The following PLAC1 variants were observed in gnomAD, a reference collection of about 807,000 sequenced individuals.
PLAC1 encodes the protein placenta-specific protein 1.
For synonymous variants in PLAC1, 68 were observed against 62.1 expected (o/e 1.09, Z -0.44); for missense variants, 136 against 163.2 (o/e 0.83, Z 0.91).
upstream of PLAC1, among the ~76,000 whole-genome samples, chrX:134,662,147 C>T (rs1329823810): frequency 1.8e-5 from 2 of 110,780 alleles, no homozygotes; most frequent in South Asian, 7.8e-4. Context: ...GCAGGAGGAT[C>T]GTTTGAGCCC....
At chrX:134,694,776 G>C (rs2078556779) in intron 2 of PLAC1, among the ~76,000 whole-genome samples, 1 of 111,802 alleles carries the variant, frequency 8.9e-6, no homozygotes, top group Admixed American at 9.5e-5. Context: ...GTACCACAGG[G>C]TGAGTTACCA....
intron 1 of PLAC1, among the ~76,000 whole-genome samples, chrX:134,656,598 T>G (rs1031274235): frequency 9.0e-6 from 1 of 111,561 alleles, no homozygotes; most frequent in Non-Finnish European, 1.9e-5. Flanking sequence ...TTTCTTTTCT[T>G]TTTTGAGATG....
chrX:134,647,322 A>G (rs1228129223), intron 1 of PLAC1, among the ~76,000 whole-genome samples: 1 of 110,490 alleles, frequency 9.1e-6, no homozygotes, highest in East Asian at 2.9e-4. Flanking sequence ...GCTCTGCTCT[A>G]CTTTTGCTTC....
chrX:134,607,457 A>T (rs1203317605), intron 1 of PLAC1: 2 of 132,906 alleles, frequency 1.5e-5, no homozygotes, highest in Non-Finnish European at 3.0e-5. Context: ...AGAGCCAAAA[A>T]ATAGCATCCT....
intron 2 of PLAC1, among the ~76,000 whole-genome samples, chrX:134,579,180 C>T (rs1327244075): frequency 9.0e-6 from 1 of 110,502 alleles, no homozygotes; most frequent in African/African-American, 3.3e-5. Context: ...GCACTCCCTC[C>T]TGTTATCCCT....
chrX:134,694,043 C>T (rs2078553885), intron 2 of PLAC1, among the ~76,000 whole-genome samples: 1 of 111,126 alleles, frequency 9.0e-6, no homozygotes, highest in Non-Finnish European at 1.9e-5. Flanking sequence ...AAGGAATTTT[C>T]GAGGTGCGTT....
chrX:134,733,268 G>A (rs1448765852), intron 2 of PLAC1, among the ~76,000 whole-genome samples: 3 of 109,890 alleles, frequency 2.7e-5, no homozygotes, highest in East Asian at 2.8e-4. Context: ...GAGAACTTCC[G>A]GGGCTTAGAA....
intron 1 of PLAC1, among the ~76,000 whole-genome samples, chrX:134,646,521 A>T (rs1239196157): frequency 8.9e-6 from 1 of 111,930 alleles, no homozygotes; most frequent in African/African-American, 3.2e-5. Flanking sequence ...GGAAAAGCAC[A>T]CTCTGAGATT....
At chrX:134,743,366 T>C (rs1420671424) in intron 1 of PLAC1, among the ~76,000 whole-genome samples, 1 of 111,747 alleles carries the variant, frequency 8.9e-6, no homozygotes, top group Non-Finnish European at 1.9e-5. Context: ...CATAATTCAA[T>C]TCCATCAGCA....
At chrX:134,705,000 TTATATATA>T (rs746596481) in intron 2 of PLAC1, among the ~76,000 whole-genome samples, 1 of 81,189 alleles carries the variant, frequency 1.2e-5, no homozygotes, top group Non-Finnish European at 2.3e-5. Flanking sequence ...CTCAAAAAAA[TTATATATA>T]TATATATATA....
chrX:134,657,120 A>G, intron 1 of PLAC1, among the ~76,000 whole-genome samples: 1 of 112,098 alleles, frequency 8.9e-6, no homozygotes, highest in South Asian at 3.8e-4. Flanking sequence ...CTCCAGTGAG[A>G]CAGGAAGGAC....
At chrX:134,724,934 C>T (rs777132697) in intron 2 of PLAC1, among the ~76,000 whole-genome samples, 2 of 109,207 alleles carry the variant, frequency 1.8e-5, no homozygotes, top group South Asian at 4.0e-4. Flanking sequence ...CCTGGAAGGC[C>T]GAGGCTGCAG....
At chrX:134,715,654 G>T (rs1427533979) in intron 2 of PLAC1, among the ~76,000 whole-genome samples, 1 of 111,734 alleles carries the variant, frequency 8.9e-6, no homozygotes, top group Non-Finnish European at 1.9e-5. Context: ...CCCTCTCCTG[G>T]GGCCCTCTGC....
intron 2 of PLAC1, among the ~76,000 whole-genome samples, chrX:134,673,550 T>C (rs925844621): frequency 1.8e-5 from 2 of 109,858 alleles, no homozygotes; most frequent in African/African-American, 6.7e-5. Context: ...AGAGGTTTAG[T>C]AGACCAAATG....
chrX:134,660,935 A>G (rs1353778735), upstream of PLAC1, among the ~76,000 whole-genome samples: 1 of 111,052 alleles, frequency 9.0e-6, no homozygotes, highest in Non-Finnish European at 1.9e-5. Flanking sequence ...ATGTTTCTCA[A>G]TGTTGTTTTA....
chrX:134,709,747 G>T (rs1194131681), intron 2 of PLAC1, among the ~76,000 whole-genome samples: 1 of 111,915 alleles, frequency 8.9e-6, no homozygotes, highest in Non-Finnish European at 1.9e-5. Context: ...TGGAGGATAA[G>T]ATATAGATTA....
At chrX:134,651,751 T>C (rs780154507) in intron 1 of PLAC1, among the ~76,000 whole-genome samples, 2 of 99,900 alleles carry the variant, frequency 2.0e-5, no homozygotes, top group South Asian at 1.2e-3. Context: ...TCCTCTGTCC[T>C]CCTCATGCCC....
At chrX:134,723,749 G>C (rs1168603920) in intron 2 of PLAC1, among the ~76,000 whole-genome samples, 1 of 111,722 alleles carries the variant, frequency 9.0e-6, no homozygotes, top group Non-Finnish European at 1.9e-5. Context: ...AAATGACTTT[G>C]CTATTTAGAT....
intron 2 of PLAC1, among the ~76,000 whole-genome samples, chrX:134,577,757 G>GTGTA (rs1419201745): frequency 9.7e-6 from 1 of 103,606 alleles, no homozygotes; most frequent in East Asian, 2.9e-4. Flanking sequence ...ATGCGTGTGT[G>GTGTA]TGTGTGTGTG....
Sources: gnomAD v4.1 joint callset for allele counts (sites outside exome capture counted in the v4.1 genomes callset) on GRCh38, gnomAD v4.1.1 for gene constraint, MANE v1.5 for transcripts, NCBI Gene and HGNC (gene_info 2026-07-23, HGNC 2026-07-21) for gene names.